Variants in RSU1 observed in about 807,000 individuals in gnomAD.
RSU1 encodes the protein rsu-1.
Under a neutral mutation model 31.1 loss-of-function variants are expected in RSU1, and 26 were observed. That is an observed-to-expected ratio of 0.84 (90% CI 0.61 to 1.16). The LOEUF (loss-of-function observed/expected upper bound fraction) is 1.16, where lower values mean the gene tolerates loss of function less well. Ranked by LOEUF, RSU1 falls within the 50% of genes most tolerant of loss-of-function variation. RSU1 has a pLI of 0.00. For synonymous variants in RSU1, 164 were observed against 136.3 expected (o/e 1.20, Z -1.41); for missense variants, 320 against 339.1 (o/e 0.94, Z 0.44).
rs144585055 is a variant in RSU1, at chr10:16,790,193, C to T, written c.110-8109G>A. Among the ~76,000 whole-genome samples the T allele has an allele frequency of 7.0e-4, 106 of 152,254 alleles. No homozygotes were observed. The Middle Eastern group carries it at 0.01, about 15-fold the overall frequency. On this transcript the variant is annotated intron_variant, in intron 2 of 8. Transcript: ENST00000345264. ...CAAAAGAAAGACAATCAAGGACTCA[C>T]GCAGGCACTTATTGACTGGATATTT...
At chr10:16,795,629 G>A (rs1214840172) in intron 2 of RSU1, among the ~76,000 whole-genome samples, 8 of 152,144 alleles carry the variant, frequency 5.3e-5, no homozygotes, top group Non-Finnish European at 2.9e-5. Flanking sequence ...ACAAGAAGCT[G>A]ATTAATTCTG....
At chr10:16,670,781 T>A (rs1018053741) in intron 8 of RSU1, among the ~76,000 whole-genome samples, 4 of 152,166 alleles carry the variant, frequency 2.6e-5, no homozygotes, top group African/African-American at 4.8e-5. Flanking sequence ...CCTCTTTTTT[T>A]AAGCCTGAGT....
chr10:16,642,281 G>T (rs1424816200), intron 8 of RSU1, among the ~76,000 whole-genome samples: 1 of 152,186 alleles, frequency 6.6e-6, no homozygotes, highest in African/African-American at 2.4e-5. Flanking sequence ...ATAAATGTAT[G>T]CAAAACCAAA....
At chr10:16,770,957 TAAAA>T (rs10547207) in intron 3 of RSU1, among the ~76,000 whole-genome samples, 7 of 120,080 alleles carry the variant, frequency 5.8e-5, no homozygotes, top group African/African-American at 1.5e-4. Context: ...TATTGCTATT[TAAAA>T]AAAAAAAAAA....
At chr10:16,664,296 G>A (rs1834946607) in intron 8 of RSU1, among the ~76,000 whole-genome samples, 1 of 152,174 alleles carries the variant, frequency 6.6e-6, no homozygotes, top group African/African-American at 2.4e-5. Context: ...GGAATTCAGG[G>A]AGAGCTGCTC....
At chr10:16,809,386 C>G (rs904223548) in intron 2 of RSU1, among the ~76,000 whole-genome samples, 1 of 152,160 alleles carries the variant, frequency 6.6e-6, no homozygotes, top group African/African-American at 2.4e-5. Flanking sequence ...GACTCCATCT[C>G]TCTACCCAAA....
Position 16,763,294 on chromosome 10 carries a change from C to A in RSU1, c.281+1096G>T, listed in dbSNP as rs1288855123. Among the ~76,000 whole-genome samples, 6 of 152,262 alleles carry A rather than the reference C, an allele frequency of 3.9e-5. No homozygotes were observed. The East Asian group carries it at 9.7e-4, about 25-fold the overall frequency. On this transcript the variant is annotated intron_variant, in intron 4 of 8. Coordinates refer to ENST00000345264, the MANE Select transcript of RSU1 (RefSeq NM_012425.4). ...TACAAGAAAAGAGGTTTAACCGACT[C>A]GTGGTTCTACCGGCTGTATAGGAAG...
chr10:16,639,055 A>G (rs1328404751), intron 8 of RSU1, among the ~76,000 whole-genome samples: 1 of 152,218 alleles, frequency 6.6e-6, no homozygotes, highest in African/African-American at 2.4e-5. Context: ...TGTGATCCTG[A>G]AGGACTTCTT....
chr10:16,753,688 A>G (rs568492450), intron 5 of RSU1, among the ~76,000 whole-genome samples: 142 of 152,340 alleles, frequency 9.3e-4, no homozygotes, highest in African/African-American at 3.4e-3. Flanking sequence ...TACGATTCCA[A>G]CCTACTGAAG....
At chr10:16,752,329 G>C (rs7075931) in intron 7 of RSU1, among the ~76,000 whole-genome samples, 3,682 of 152,212 alleles carry the variant, frequency 0.024, 132 homozygotes, top group African/African-American at 0.073. Context: ...TAAGACAGGG[G>C]ACACTACAGC....
intron 8 of RSU1, among the ~76,000 whole-genome samples, chr10:16,648,523 T>G (rs1834620016): frequency 6.6e-6 from 1 of 151,548 alleles, no homozygotes; most frequent in African/African-American, 2.4e-5. Flanking sequence ...AGCTGTAGTC[T>G]ACAGTTAGCC....
intron 8 of RSU1, among the ~76,000 whole-genome samples, chr10:16,605,386 G>A (rs1050905628): frequency 1.3e-5 from 2 of 152,140 alleles, no homozygotes; most frequent in Non-Finnish European, 2.9e-5. Context: ...GTGTCCCTGG[G>A]ACACACTAGA....
chr10:16,672,125 C>T lies in RSU1; in HGVS notation c.731+22898G>A, dbSNP rs1177031723. 1.3e-3 allele frequency among the ~76,000 whole-genome samples: 180 copies of T among 143,134 alleles called. 1 individual carries two copies. Among genetic ancestry groups the T allele is most frequent in the Admixed American group, 3.5e-4 (5 of 14,454 alleles). The allele number at this position is 143,134 out of a possible 152,430, so 93.9% of individuals were successfully genotyped here. On this transcript the variant is annotated intron_variant, in intron 8 of 8. Transcript: ENST00000345264. ...CATCCTGGCTAACATGGTGAAACCC[C>T]GTCTCTACTAAAAATACAAAAAAAA...
At chr10:16,699,620 C>T (rs1292809447) in intron 7 of RSU1, among the ~76,000 whole-genome samples, 2 of 152,174 alleles carry the variant, frequency 1.3e-5, no homozygotes, top group Admixed American at 6.5e-5. Flanking sequence ...GAAGGCTGAG[C>T]GGCGCTCTGG....
intron 4 of RSU1, among the ~76,000 whole-genome samples, chr10:16,763,911 A>C (rs1397660834): frequency 6.6e-6 from 1 of 152,256 alleles, no homozygotes; most frequent in Non-Finnish European, 1.5e-5. Context: ...TGCATAAAGA[A>C]AGACAGGACT....
chr10:16,627,982 C>T (rs566657467), intron 8 of RSU1, among the ~76,000 whole-genome samples: 14 of 152,164 alleles, frequency 9.2e-5, no homozygotes, highest in African/African-American at 2.9e-4. Context: ...GCGAGACCAG[C>T]GATGTTGAAG....
Position 16,729,765 on chromosome 10 carries a change from C to T in RSU1, c.598+22774G>A, listed in dbSNP as rs1836470116. Among the ~76,000 whole-genome samples the T allele has an allele frequency of 3.3e-5, 5 of 152,174 alleles. No homozygotes were observed. In the South Asian group the frequency reaches 1.0e-3, roughly 32 times the overall value. On this transcript the variant is annotated intron_variant, in intron 7 of 8. Coordinates refer to ENST00000345264, the MANE Select transcript of RSU1 (RefSeq NM_012425.4). Reference sequence around the variant, plus strand: ...TGCAAAAACAGCTGTGATCATCCCGCCCTCTCCTCTGTACCTTCCATGCCC... The same window carrying T: ...TGCAAAAACAGCTGTGATCATCCCGTCCTCTCCTCTGTACCTTCCATGCCC...
At chr10:16,731,310 G>C (rs771941770) in intron 7 of RSU1, among the ~76,000 whole-genome samples, 10 of 151,846 alleles carry the variant, frequency 6.6e-5, no homozygotes, top group Non-Finnish European at 7.4e-5. Context: ...GGCGCCTGTA[G>C]TCCCAGCTAC....
In RSU1 at chr10:16,696,885, G is replaced by A. The variant is rs1835687673; in HGVS notation, c.599-1730C>T. ...AGGGAGGGGGTTTTTAGAGTCCCAA[G>A]AATGAAACTGACCCCTTGTTTACAT... On this transcript the variant is annotated intron_variant, in intron 7 of 8. Coordinates refer to ENST00000345264, the MANE Select transcript of RSU1 (RefSeq NM_012425.4). Among the ~76,000 whole-genome samples, 2 of 152,048 alleles carry A rather than the reference G, an allele frequency of 1.3e-5. 1 individual carries two copies. Among genetic ancestry groups the A allele is most frequent in the South Asian group, 4.2e-4 (2 of 4,814 alleles).
Sources: gnomAD v4.1 joint callset for allele counts (sites outside exome capture counted in the v4.1 genomes callset) on GRCh38, gnomAD v4.1.1 for gene constraint, MANE v1.5 for transcripts, NCBI Gene and HGNC (gene_info 2026-07-23, HGNC 2026-07-21) for gene names.